The following MTOR variants were observed in gnomAD, a reference collection of about 807,000 sequenced individuals.
MTOR encodes mechanistic target of rapamycin kinase.
MTOR carries 70 observed loss-of-function variants against 319.8 expected under a neutral mutation model. That is an observed-to-expected ratio of 0.22 (90% CI 0.18 to 0.27). The LOEUF is 0.27. MTOR is among the 10% of genes least tolerant of loss of function. The probability of loss-of-function intolerance (pLI) is 1.00; values close to 1 mark genes in which losing one functional copy is unlikely to be tolerated. For synonymous variants in MTOR, 1,183 were observed against 1,211.4 expected (o/e 0.98, Z 0.49); for missense variants, 1,890 against 3,274.4 (o/e 0.58, Z 10.32).
chr1:11,192,026 G>A (rs1203925878), intron 28 of MTOR, among the ~76,000 whole-genome samples: 1 of 152,136 alleles, frequency 6.6e-6, no homozygotes, highest in Non-Finnish European at 1.5e-5. Context: ...GAAACCACCT[G>A]TTGGAACGTC....
At chr1:11,247,585 C>T (rs773004806) in intron 8 of MTOR, 40 bp downstream of exon 8, 47 of 1,581,080 alleles carry the variant, frequency 3.0e-5, no homozygotes, top group Non-Finnish European at 3.7e-5. Context: ...TCCCTGTTTA[C>T]CCTGAGATGG....
intron 11 of MTOR, among the ~76,000 whole-genome samples, chr1:11,238,932 T>TA (rs1199286036): frequency 6.6e-6 from 1 of 150,464 alleles, no homozygotes; most frequent in East Asian, 1.9e-4. Context: ...CTGGCTAATT[T>TA]TTTTTTTTTT....
At chr1:11,143,737 A>T (rs1024754752) in intron 34 of MTOR, among the ~76,000 whole-genome samples, 3 of 152,148 alleles carry the variant, frequency 2.0e-5, no homozygotes, top group Non-Finnish European at 2.9e-5. Flanking sequence ...CTGAAGCGAG[A>T]ATTTGGAATT....
At chr1:11,157,424 G>A in intron 29 of MTOR, 133 bp from the exon 30 acceptor site, 1 of 1,157,518 alleles carries the variant, frequency 8.6e-7, no homozygotes, top group Non-Finnish European at 1.2e-6. Flanking sequence ...GTCTGGGCTT[G>A]GATTAAAAAC....
At chr1:11,150,977 T>C (rs1463219379) in intron 30 of MTOR, among the ~76,000 whole-genome samples, 1 of 152,206 alleles carries the variant, frequency 6.6e-6, no homozygotes, top group African/African-American at 2.4e-5. Flanking sequence ...AAGATGCAGC[T>C]AGGAGACTCC....
intron 14 of MTOR, 139 bp from the exon 15 acceptor site, chr1:11,233,626 C>T: frequency 1.5e-6 from 1 of 664,876 alleles, no homozygotes. Context: ...CAAGATTTCT[C>T]TGGAATGTAA....
chr1:11,154,858 AAAG>A (rs1251656842), intron 30 of MTOR, among the ~76,000 whole-genome samples: 1 of 152,090 alleles, frequency 6.6e-6, no homozygotes, highest in Non-Finnish European at 1.5e-5. Flanking sequence ...TAAAAAAAAA[AAAG>A]AAGGCTGTGC....
intron 49 of MTOR, among the ~76,000 whole-genome samples, chr1:11,118,294 T>C (rs913070925): frequency 1.5e-5 from 2 of 134,214 alleles, no homozygotes; most frequent in African/African-American, 5.7e-5. Context: ...TGGAGTGCAA[T>C]GGCACAATCT....
chr1:11,237,729 C>G (rs1647403086), intron 13 of MTOR, 114 bp downstream of exon 13: 2 of 1,157,036 alleles, frequency 1.7e-6, no homozygotes, highest in Admixed American at 4.1e-5. Flanking sequence ...CGGCTTTTAC[C>G]AGGTACCTCA....
At chr1:11,138,617 G>A (rs372100632) in intron 36 of MTOR, among the ~76,000 whole-genome samples, 2 of 152,158 alleles carry the variant, frequency 1.3e-5, no homozygotes, top group East Asian at 3.8e-4. Context: ...TCACTGTGGG[G>A]GTCACAATGG....
chr1:11,164,798 C>A (rs1232704783), intron 29 of MTOR, among the ~76,000 whole-genome samples: 10 of 152,228 alleles, frequency 6.6e-5, no homozygotes, highest in East Asian at 1.9e-4. Context: ...CACAACAAAA[C>A]AAGAGAATTT....
At chr1:11,192,639 T>A (rs1342302604) in intron 28 of MTOR, among the ~76,000 whole-genome samples, 3 of 150,044 alleles carry the variant, frequency 2.0e-5, no homozygotes, top group Non-Finnish European at 4.4e-5. Context: ...GCACCTGTAA[T>A]CCCTGCTACA....
chr1:11,130,619 AGTGGTGGTGGCAGTGGCGGCC>A lies in MTOR; in HGVS notation c.5502_5522del (p.Ala1836_Ala1842del), dbSNP rs746641913. The A allele has an allele frequency of 1.9e-6, 3 of 1,613,334 alleles. No individual in the cohort carries two copies. The African/African-American group carries it at 4.0e-5, about 22-fold the overall frequency. ...CACTGTTGCTGCCCTCGGTGCTGGC[AGTGGTGGTGGCAGTGGCGGCC>A]GTGGTGGCGGCAGTGGTGGCGTTGG... On this transcript the variant is annotated inframe_deletion, in exon 39 of 58. Coordinates refer to ENST00000361445, the MANE Select transcript of MTOR (RefSeq NM_004958.4).
intron 36 of MTOR, among the ~76,000 whole-genome samples, chr1:11,137,877 A>G (rs903197732): frequency 2.0e-5 from 3 of 152,376 alleles, no homozygotes; most frequent in Admixed American, 1.3e-4. Context: ...TCTTGTTTAC[A>G]GTGGAGGAAA....
At chr1:11,224,829 A>C (rs1045528206) in intron 19 of MTOR, among the ~76,000 whole-genome samples, 7 of 152,220 alleles carry the variant, frequency 4.6e-5, no homozygotes, top group African/African-American at 1.7e-4. Flanking sequence ...AACACTGGAA[A>C]ATATTTCTGG....
intron 28 of MTOR, among the ~76,000 whole-genome samples, chr1:11,172,002 C>T (rs919037809): frequency 1.3e-5 from 2 of 150,676 alleles, no homozygotes; most frequent in Non-Finnish European, 2.9e-5. Flanking sequence ...TGCACTCCAG[C>T]CTGGGCAACA....
intron 1 of MTOR, among the ~76,000 whole-genome samples, chr1:11,260,993 T>A (rs944113019): frequency 1.3e-5 from 2 of 151,674 alleles, no homozygotes; most frequent in African/African-American, 2.4e-5. Flanking sequence ...GGTTTTATTA[T>A]GTTGGCCAGG....
intron 11 of MTOR, 143 bp from the exon 12 acceptor site, chr1:11,238,760 A>T: frequency 3.1e-6 from 2 of 647,670 alleles, no homozygotes; most frequent in Non-Finnish European, 5.0e-6. Flanking sequence ...CTGACCCGGA[A>T]CTCTTCTTTT....
rs1348484488 is a variant in MTOR, at chr1:11,109,303, T to G, written c.7515A>C (p.Arg2505=). The change falls in exon 56 of 58, where the codon CGA becomes CGC. Residue 2505 remains arginine (R), a synonymous_variant. Coordinates refer to ENST00000361445, the MANE Select transcript of MTOR (RefSeq NM_004958.4). This position sits in a 1 kb window ranked among gnomAD's most constrained non-coding sequence, Gnocchi z 4.0. ...KKAIQIINRV[R]DKLTGRDFSH... ...TGACACACTCACCAGTGAGCTTATC[T>G]CGAACCCTGTTAATAATCTGGATAG... 6.2e-7 allele frequency: 1 copy of G among 1,613,994 alleles called. No individual in the cohort carries two copies. The highest frequency in any genetic ancestry group is 2.2e-5 in the East Asian group (1 of 44,896).
Sources: gnomAD v4.1 joint callset for allele counts (sites outside exome capture counted in the v4.1 genomes callset) on GRCh38, gnomAD v4.1.1 for gene constraint, Gnocchi (gnomAD v3.1) non-coding constraint, MANE v1.5 for transcripts, NCBI Gene and HGNC (gene_info 2026-07-23, HGNC 2026-07-21) for gene names.